EIF2B3: variants seen among roughly 807,000 people sequenced by gnomAD.
The protein encoded by EIF2B3 is translation initiation factor eIF2B subunit gamma.
In EIF2B3, 20 loss-of-function variants were observed where a neutral mutation model predicts 54.1. The observed-to-expected ratio is 0.37, with a 90% CI of 0.26 to 0.54. The LOEUF (loss-of-function observed/expected upper bound fraction) is 0.54. Among genes scored for constraint, EIF2B3 ranks in the 20% least tolerant of loss-of-function variants. The pLI, the probability that EIF2B3 is intolerant of heterozygous loss-of-function variation, is 0.86. For missense variants in EIF2B3, 448 were observed against 547.8 expected, an observed-to-expected ratio of 0.82 and a Z score of 1.82; for synonymous variants, 153 against 188.1, an observed-to-expected ratio of 0.81 and a Z score of 1.52.
At chr1:44,952,196 C>T (rs1644171676) in intron 3 of EIF2B3, among the ~76,000 whole-genome samples, 1 of 136,790 alleles carries the variant, frequency 7.3e-6, no homozygotes, top group South Asian at 2.4e-4. Context: ...ATCTCCTGAC[C>T]TCGTGATCCG....
chr1:44,915,878 T>A (rs1206599317), intron 5 of EIF2B3, among the ~76,000 whole-genome samples: 1 of 152,182 alleles, frequency 6.6e-6, no homozygotes, highest in Non-Finnish European at 1.5e-5. Context: ...CCATTAAAGA[T>A]ACTATTTCTT....
chr1:44,956,428 G>A (rs1404598183), intron 3 of EIF2B3, among the ~76,000 whole-genome samples: 1 of 151,966 alleles, frequency 6.6e-6, no homozygotes, highest in Non-Finnish European at 1.5e-5. Flanking sequence ...GTGGGCTGAT[G>A]GGTGCAGCAA....
chr1:44,960,994 A>G (rs1274868604), intron 3 of EIF2B3, among the ~76,000 whole-genome samples: 1 of 152,080 alleles, frequency 6.6e-6, no homozygotes, highest in African/African-American at 2.4e-5. Flanking sequence ...AAAATAATTT[A>G]AAAGATTTTT....
At chr1:44,891,800 T>C (rs1343763915) in intron 6 of EIF2B3, among the ~76,000 whole-genome samples, 1 of 152,194 alleles carries the variant, frequency 6.6e-6, no homozygotes, top group African/African-American at 2.4e-5. Flanking sequence ...TTTTTGATCA[T>C]GTGTGAGGAG....
chr1:44,969,091 T>C (rs548644936), intron 3 of EIF2B3, among the ~76,000 whole-genome samples: 12 of 152,300 alleles, frequency 7.9e-5, no homozygotes, highest in Non-Finnish European at 1.5e-4. Flanking sequence ...GGGACTCGTG[T>C]GCAGTGATCA....
intron 5 of EIF2B3, chr1:44,925,282 C>G (rs1643829069): frequency 6.6e-6 from 1 of 152,078 alleles, no homozygotes; most frequent in African/African-American, 2.4e-5. Context: ...GTGGCAGCAA[C>G]TCAAATGTCT....
chr1:44,863,078 G>A (rs1654664321), intron 10 of EIF2B3: 1 of 152,238 alleles, frequency 6.6e-6, no homozygotes, highest in Non-Finnish European at 1.5e-5. Context: ...TCGGCAAAGA[G>A]CCATGAAACT....
chr1:44,885,255 A>G lies in EIF2B3; in HGVS notation c.657-3516T>C, dbSNP rs558047405. On this transcript the variant is annotated intron_variant, in intron 6 of 11. Coordinates refer to ENST00000360403, the MANE Select transcript of EIF2B3 (RefSeq NM_020365.5). ...TAGCAAACAATCCCACCAAATAAAA[A>G]GACAAAATAATTGCTATGAATAGGG... 8.5e-5 allele frequency among the ~76,000 whole-genome samples: 13 copies of G among 152,376 alleles called. No homozygotes were observed. In the South Asian group the frequency reaches 1.9e-3, roughly 22 times the overall value.
intron 6 of EIF2B3, among the ~76,000 whole-genome samples, chr1:44,892,340 G>A (rs919377691): frequency 2.6e-5 from 4 of 152,068 alleles, no homozygotes; most frequent in Non-Finnish European, 4.4e-5. Context: ...AGCTCTTTGG[G>A]AGGCCTAGGT....
intron 11 of EIF2B3, among the ~76,000 whole-genome samples, chr1:44,854,589 CTT>C (rs34735930): frequency 1.2e-4 from 16 of 136,672 alleles, no homozygotes; most frequent in Non-Finnish European, 1.1e-4. Context: ...TGCATTATGT[CTT>C]TTTTTTTTTT....
At chr1:44,882,691 T>C (rs1318717797) in intron 6 of EIF2B3, among the ~76,000 whole-genome samples, 1 of 151,350 alleles carries the variant, frequency 6.6e-6, no homozygotes, top group East Asian at 2.0e-4. Context: ...CTCAGCTCAC[T>C]GCAACCTCTG....
intron 4 of EIF2B3, among the ~76,000 whole-genome samples, chr1:44,929,907 G>C (rs1268759186): frequency 6.6e-6 from 1 of 152,132 alleles, no homozygotes; most frequent in African/African-American, 2.4e-5. Flanking sequence ...ACAAATTATA[G>C]AAACTTGGAA....
At chr1:44,853,658 T>C (rs1370034153) in intron 11 of EIF2B3, among the ~76,000 whole-genome samples, 1 of 151,448 alleles carries the variant, frequency 6.6e-6, no homozygotes, top group Non-Finnish European at 1.5e-5. Flanking sequence ...GGGATGGGAG[T>C]AGGGTCCAGT....
At chr1:44,939,410 T>C (rs1270995623) in intron 4 of EIF2B3, among the ~76,000 whole-genome samples, 2 of 152,162 alleles carry the variant, frequency 1.3e-5, no homozygotes, top group Admixed American at 6.5e-5. Flanking sequence ...CATTTAAAAA[T>C]GGATGGTAGG....
At chr1:44,913,060 C>T (rs928292095) in intron 5 of EIF2B3, among the ~76,000 whole-genome samples, 1 of 130,884 alleles carries the variant, frequency 7.6e-6, no homozygotes, top group Middle Eastern at 5.3e-3. Flanking sequence ...TGTGGCAGTT[C>T]GTAATTCTAG....
intron 9 of EIF2B3, among the ~76,000 whole-genome samples, chr1:44,875,067 A>G (rs1037037521): frequency 2.0e-4 from 30 of 152,196 alleles, no homozygotes; most frequent in African/African-American, 6.8e-4. Context: ...ACAGACACAT[A>G]TACACACTCA....
At chr1:44,880,929 C>T (rs1655377198) in intron 7 of EIF2B3, among the ~76,000 whole-genome samples, 1 of 151,634 alleles carries the variant, frequency 6.6e-6, no homozygotes, top group African/African-American at 2.4e-5. Context: ...CCACTGCCCT[C>T]CAGCCTGGGC....
rs1569851592 is a variant in EIF2B3, at chr1:44,962,704, T to C, written c.294+15611A>G. On this transcript the variant is annotated intron_variant, in intron 3 of 11. Transcript: ENST00000360403. ...TGCTGGGATTACAGGTGTGAGCCAC[T>C]GTACCTGACCTAAACATGTGTGTCT... 3.3e-5 allele frequency among the ~76,000 whole-genome samples: 5 copies of C among 152,204 alleles called. No individual in the cohort carries two copies. The South Asian group carries it at 1.0e-3, about 31-fold the overall frequency.
intron 11 of EIF2B3, among the ~76,000 whole-genome samples, 176 bp downstream of exon 11, chr1:44,857,528 A>G (rs930082710): frequency 1.4e-5 from 2 of 141,040 alleles, no homozygotes; most frequent in African/African-American, 5.1e-5. Context: ...TGAAACTCCG[A>G]AAAAAAAAAA....
Sources: allele counts gnomAD v4.1 joint callset (sites outside exome capture counted in the v4.1 genomes callset), GRCh38; gene constraint gnomAD v4.1.1; transcripts MANE v1.5; gene names NCBI Gene and HGNC (gene_info 2026-07-23, HGNC 2026-07-21).